NTM: variants seen among roughly 807,000 people sequenced by gnomAD.
NTM encodes the protein neurotrimin.
NTM carries 13 observed loss-of-function variants against 42.1 expected under a neutral mutation model. That is an observed-to-expected ratio of 0.31 (90% confidence interval 0.20 to 0.49). NTM has a LOEUF of 0.49. Ranked by LOEUF, NTM falls within the 20% of genes least tolerant of loss-of-function variation. The pLI is 0.99. For missense variants in NTM, 373 were observed against 452.8 expected (o/e 0.82, Z 1.60); for synonymous variants, 187 against 179.2 (o/e 1.04, Z -0.35).
rs184893526 is a variant in NTM at position 131,566,180 on chromosome 11, G to T, written c.82+195292G>T. ...TAATCCTGATAAGATCTATCACGGCGCTTATGGTGCGAGAAGAAATTAAAC... is the reference window on the plus strand; with the variant it reads ...TAATCCTGATAAGATCTATCACGGCTCTTATGGTGCGAGAAGAAATTAAAC... On this transcript the variant is annotated intron_variant, in intron 1 of 8. Transcript: ENST00000683400. Among the ~76,000 whole-genome samples, 631 of 152,254 alleles carry T rather than the reference G, an allele frequency of 4.1e-3. 4 individuals are homozygous for T. Among genetic ancestry groups the T allele is most frequent in the African/African-American group, 0.014 (569 of 41,538 alleles).
intron 1 of NTM, among the ~76,000 whole-genome samples, chr11:131,735,213 T>G (rs548365839): frequency 2.0e-5 from 3 of 152,186 alleles, no homozygotes; most frequent in Non-Finnish European, 4.4e-5. Flanking sequence ...TCTGGCTAGA[T>G]GTTGGCAAAG....
At chr11:131,532,154 A>G (rs1447630426) in intron 1 of NTM, among the ~76,000 whole-genome samples, 1 of 152,204 alleles carries the variant, frequency 6.6e-6, no homozygotes, top group African/African-American at 2.4e-5. Flanking sequence ...AGTGTTGCAC[A>G]ACTATTACAA....
intron 2 of NTM, among the ~76,000 whole-genome samples, chr11:131,944,259 C>T (rs140993227): frequency 4.3e-4 from 66 of 152,292 alleles, no homozygotes; most frequent in Admixed American, 1.7e-3. Context: ...CACTGACTTG[C>T]AGTAGTGAGT....
chr11:132,206,067 C>T (rs1263666438), intron 3 of NTM, among the ~76,000 whole-genome samples: 1 of 152,190 alleles, frequency 6.6e-6, no homozygotes, highest in Non-Finnish European at 1.5e-5. Flanking sequence ...CTCTCCAATC[C>T]ATCCCTTGCT....
At chr11:131,730,822 G>A (rs1371613885) in intron 1 of NTM, among the ~76,000 whole-genome samples, 2 of 152,062 alleles carry the variant, frequency 1.3e-5, no homozygotes, top group Non-Finnish European at 2.9e-5. Context: ...GGATTTCAAG[G>A]AGTTCTGTTA....
intron 1 of NTM, among the ~76,000 whole-genome samples, chr11:131,838,722 A>ACG (rs55938716): frequency 1.8e-4 from 27 of 151,698 alleles, no homozygotes; most frequent in Admixed American, 1.6e-3. Context: ...AGATAAAACA[A>ACG]AGGGGGTTTA....
At chr11:131,559,016 A>G (rs1592048912) in intron 1 of NTM, among the ~76,000 whole-genome samples, 2 of 152,348 alleles carry the variant, frequency 1.3e-5, no homozygotes, top group African/African-American at 4.8e-5. Flanking sequence ...TTATTTTACC[A>G]TGTTTCTGTG....
chr11:132,253,525 C>CTTAT, intron 4 of NTM, among the ~76,000 whole-genome samples: 1 of 152,300 alleles, frequency 6.6e-6, no homozygotes, highest in African/African-American at 2.4e-5. Context: ...ACAAGGACCA[C>CTTAT]TTATTGATTG....
chr11:131,559,938 G>A (rs11601101), intron 1 of NTM, among the ~76,000 whole-genome samples: 19,362 of 152,212 alleles, frequency 0.13, 1,558 homozygotes, highest in Non-Finnish European at 0.18. Flanking sequence ...ATGGAAAACA[G>A]GGAGAGATAT....
At chr11:131,677,820 C>A (rs1565411440) in intron 1 of NTM, among the ~76,000 whole-genome samples, 1 of 152,228 alleles carries the variant, frequency 6.6e-6, no homozygotes, top group Non-Finnish European at 1.5e-5. Flanking sequence ...AGAGGCCTGG[C>A]ATCCTTGTCC....
At chr11:131,400,963 C>A (rs1456340544) in intron 1 of NTM, among the ~76,000 whole-genome samples, 1 of 144,700 alleles carries the variant, frequency 6.9e-6, no homozygotes, top group Non-Finnish European at 1.5e-5. Flanking sequence ...ACCTTCCCTG[C>A]CACCCCTGCC....
intron 1 of NTM, among the ~76,000 whole-genome samples, chr11:131,646,019 A>G (rs1275980744): frequency 6.6e-6 from 1 of 152,238 alleles, no homozygotes; most frequent in Non-Finnish European, 1.5e-5. Context: ...GGTGTGAAAG[A>G]TTTAGAAGCT....
intron 4 of NTM, among the ~76,000 whole-genome samples, chr11:132,262,562 A>G (rs939618406): frequency 1.3e-5 from 2 of 151,998 alleles, no homozygotes; most frequent in African/African-American, 4.8e-5. Flanking sequence ...GGAGAGAGAG[A>G]AGGATCATCT....
chr11:131,551,980 G>C (rs1254105043), intron 1 of NTM, among the ~76,000 whole-genome samples: 1 of 152,152 alleles, frequency 6.6e-6, no homozygotes, highest in Non-Finnish European at 1.5e-5. Context: ...AGCACCATTA[G>C]ACAATGCAGC....
intron 4 of NTM, among the ~76,000 whole-genome samples, chr11:132,224,795 C>T (rs528408753): frequency 1.3e-5 from 2 of 152,292 alleles, no homozygotes; most frequent in South Asian, 2.1e-4. Context: ...GCCAAACTGC[C>T]AGAACCTGAT....
intron 1 of NTM, among the ~76,000 whole-genome samples, chr11:131,544,647 G>C (rs999159899): frequency 6.6e-6 from 1 of 152,116 alleles, no homozygotes; most frequent in Non-Finnish European, 1.5e-5. Flanking sequence ...TGAGTTCCAG[G>C]GGTTGTGGCA....
chr11:131,523,211 T>C (rs2049987980), intron 1 of NTM, among the ~76,000 whole-genome samples: 1 of 152,188 alleles, frequency 6.6e-6, no homozygotes. Flanking sequence ...ATTTGTTGAA[T>C]GAATGAGTGA....
intron 1 of NTM, chr11:131,796,298 G>A (rs1339805122): frequency 2.1e-6 from 1 of 466,970 alleles, no homozygotes; most frequent in Non-Finnish European, 2.8e-6. Flanking sequence ...GGCTGTGCTG[G>A]TGTCTCAGGA....
At chr11:132,023,606 A>G (rs543005) in intron 2 of NTM, among the ~76,000 whole-genome samples, 52,955 of 151,800 alleles carry the variant, frequency 0.35, 9,700 homozygotes, top group African/African-American at 0.46. Flanking sequence ...CACCAAGAGC[A>G]CCCCTCTGTC....
Sources: gnomAD v4.1 joint callset for allele counts (sites outside exome capture counted in the v4.1 genomes callset) on GRCh38, gnomAD v4.1.1 for gene constraint, MANE v1.5 for transcripts, NCBI Gene and HGNC (gene_info 2026-07-23, HGNC 2026-07-21) for gene names.